ZCCHC3: variants seen among roughly 807,000 people sequenced by gnomAD.
The protein encoded by ZCCHC3 is zinc finger CCHC domain-containing protein 3.
ZCCHC3 carries 20 observed loss-of-function variants against 18.4 expected under a neutral mutation model. The ratio of observed to expected loss-of-function variants is 1.09; its 90% CI spans 0.76 to 1.58. The LOEUF (loss-of-function observed/expected upper bound fraction) is 1.58. ZCCHC3 is among the 40% of genes most tolerant of loss of function. ZCCHC3 has a pLI of 0.00. For missense variants in ZCCHC3, 548 were observed against 511.2 expected (o/e 1.07, Z -0.69); for synonymous variants, 310 against 232.7 (o/e 1.33, Z -3.02).
At position 298,652 on chromosome 20, in the gene ZCCHC3, T is replaced by G. The variant is rs1600197490; in HGVS notation, c.1066T>G (p.Cys356Gly). ...GSCTQDRCFR[C>G]GEEGHLSPYC... Reference sequence around the variant, plus strand: ...CTGCACGCAGGACAGGTGCTTCAGGTGCGGGGAGGAGGGGCACCTGAGCCC... The same window carrying G: ...CTGCACGCAGGACAGGTGCTTCAGGGGCGGGGAGGAGGGGCACCTGAGCCC... The change falls in exon 1 of 1, where the codon TGC (cysteine) becomes GGC (glycine). Residue 356 changes from cysteine to glycine, a missense_variant. Coordinates refer to ENST00000500893, the MANE Select transcript of ZCCHC3 (RefSeq NM_033089.7). 1 of 1,364,990 alleles carries G rather than the reference T, an allele frequency of 7.3e-7. No individual in the cohort carries two copies. The highest frequency in any genetic ancestry group is 1.0e-6 in the Non-Finnish European group (1 of 953,098). 84.6% of individuals were successfully genotyped at this position (1,364,990 alleles called of 1,614,324 possible). A position where few individuals can be genotyped will look rare whatever the true frequency, so the allele number is the denominator to read the frequency against.
rs887073987 is a variant in ZCCHC3, at chr20:298,393, T to C, written c.807T>C (p.Ile269=). ...FRNETVDVED[I]VTWLKRHCDV... Reference sequence around the variant, plus strand: ...ACGAGACGGTGGACGTGGAGGACATTGTGACTTGGCTCAAGCGCCACTGCG... The same window carrying C: ...ACGAGACGGTGGACGTGGAGGACATCGTGACTTGGCTCAAGCGCCACTGCG... The change falls in exon 1 of 1, where the codon ATT becomes ATC. Residue 269 remains isoleucine, a synonymous_variant. Coordinates refer to ENST00000500893, the MANE Select transcript of ZCCHC3 (RefSeq NM_033089.7). 1.3e-6 allele frequency: 1 copy of C among 781,916 alleles called. No homozygotes were observed. The allele number at this position is 781,916 out of a possible 1,614,324, so 48.4% of individuals were successfully genotyped here.
chr20:298,858 CT>C lies in ZCCHC3; in HGVS notation c.*68del, dbSNP rs1201000522. The C allele has an allele frequency of 8.9e-6, 13 of 1,456,096 alleles. No homozygotes were observed. Among genetic ancestry groups the C allele is most frequent in the African/African-American group, 4.3e-5 (3 of 69,708 alleles). The allele number at this position is 1,456,096 out of a possible 1,614,324, so 90.2% of individuals were successfully genotyped here. ...AGCTTATCCCTCTTAAGTGCCAAAACTTTTTTTTAAACCATTTTTTATCGTT... is the reference window on the plus strand; with the variant it reads ...AGCTTATCCCTCTTAAGTGCCAAAACTTTTTTTAAACCATTTTTTATCGTT... On this transcript the variant is annotated 3_prime_UTR_variant, in exon 1 of 1. Transcript: ENST00000500893.
Position 297,964 on chromosome 20 carries a change from C to A in ZCCHC3, c.378C>A (p.Ala126=), listed in dbSNP as rs2012671377. ...GAAEAGRRKK[A]EAAAAAMATP... ...CGGAGGCGGGCAGGAGGAAGAAGGC[C>A]GAGGCGGCGGCGGCCGCCATGGCGA... Residue 126 remains alanine (A), a synonymous_variant, in exon 1 of 1, where the codon GCC becomes GCA. Coordinates refer to ENST00000500893, the MANE Select transcript of ZCCHC3 (RefSeq NM_033089.7). The A allele has an allele frequency of 1.5e-6, 2 of 1,303,802 alleles. No homozygotes were observed. The highest frequency in any genetic ancestry group is 6.4e-5 in the East Asian group (2 of 31,398). 80.8% of individuals were successfully genotyped at this position (1,303,802 alleles called of 1,614,324 possible).
Position 300,158 on chromosome 20 carries a change from G to A in ZCCHC3, c.*1360G>A, listed in dbSNP as rs1473262086. 1.8e-5 allele frequency: 3 copies of A among 167,062 alleles called. No individual in the cohort carries two copies. Among genetic ancestry groups the A allele is most frequent in the African/African-American group, 7.2e-5 (3 of 41,438 alleles). The allele number at this position is 167,062 out of a possible 1,614,324, so 10.3% of individuals were successfully genotyped here. On this transcript the variant is annotated 3_prime_UTR_variant, in exon 1 of 1. Coordinates refer to ENST00000500893, the MANE Select transcript of ZCCHC3 (RefSeq NM_033089.7). ...GGAGATAGGCCAAGCGAGAGGTCAT[G>A]GGCCAACTAAGTGTTATCCAGTAGA... is the stretch of plus-strand genomic sequence containing the variant.
In ZCCHC3 at chr20:298,500, AG is replaced by A. The variant is rs1172842663; in HGVS notation, c.919del (p.Glu307ArgfsTer38). On this transcript the variant is annotated frameshift_variant, in exon 1 of 1. Transcript: ENST00000500893. LOFTEE classifies it high-confidence loss of function. ...TACAAATGCGAGATCGAGCTGCGCC[AG>A]GGGGAGGGCGGGGTCAGGCACTTGC... The part of the protein sequence containing the change: ...GEYKCEIELR[Q>X]GEGGVRHLPG... 1 of 760,216 alleles carries A rather than the reference AG, an allele frequency of 1.3e-6. No homozygotes were observed. Among genetic ancestry groups the A allele is most frequent in the South Asian group, 1.4e-5 (1 of 71,530 alleles). The allele number at this position is 760,216 out of a possible 1,614,324, so 47.1% of individuals were successfully genotyped here. A position where few individuals can be genotyped will look rare whatever the true frequency, so the allele number is the denominator to read the frequency against.
In ZCCHC3 at chr20:298,093, C is replaced by T. The variant is rs1365478653; in HGVS notation, c.507C>T (p.Ile169=). 1.3e-6 allele frequency: 2 copies of T among 1,586,444 alleles called. No homozygotes were observed. Among genetic ancestry groups the T allele is most frequent in the Non-Finnish European group, 1.7e-6 (2 of 1,169,034 alleles). ...GCAAGGGTCGCTTCCTCGTCCGCAT[C>T]TGTTTCCAGGGAGACGAGGGCGCCT... is the stretch of plus-strand genomic sequence containing the variant. The part of the protein sequence containing the change: ...GPGKGRFLVR[I]CFQGDEGACP... Residue 169 remains isoleucine (I), a synonymous_variant, in exon 1 of 1, where the codon ATC becomes ATT. Coordinates refer to ENST00000500893, the MANE Select transcript of ZCCHC3 (RefSeq NM_033089.7).
In ZCCHC3 at chr20:298,623, G is replaced by C. The variant is rs769064636; in HGVS notation, c.1037G>C (p.Gly346Ala). The change falls in exon 1 of 1, where the codon GGC (glycine) becomes GCC (alanine). Residue 346 changes from glycine to alanine, a missense_variant. By Grantham distance (60) the Gly-to-Ala change is moderately conservative. Transcript: ENST00000500893. ...FKCGSRTHMS[G>A]SCTQDRCFRC... ...TGTGGTTCCCGGACCCACATGAGCG[G>C]CAGCTGCACGCAGGACAGGTGCTTC... 9.5e-7 allele frequency: 1 copy of C among 1,055,328 alleles called. No homozygotes were observed. 65.4% of individuals were successfully genotyped at this position (1,055,328 alleles called of 1,614,324 possible).
At position 298,221 on chromosome 20, in the gene ZCCHC3, T is replaced by C; in HGVS notation, c.635T>C (p.Phe212Ser). The change falls in exon 1 of 1, where the codon TTC becomes TCC. Residue 212 changes from phenylalanine to serine, a missense_variant. Coordinates refer to ENST00000500893, the MANE Select transcript of ZCCHC3 (RefSeq NM_033089.7). The part of the protein sequence containing the change: ...AVIQIPGSRE[F>S]DVSFRSAEKL... Reference sequence around the variant, plus strand: ...ATCCAGATCCCGGGCAGCCGCGAATTCGACGTGAGCTTCCGCTCAGCGGAG... The same window carrying C: ...ATCCAGATCCCGGGCAGCCGCGAATCCGACGTGAGCTTCCGCTCAGCGGAG... 9.1e-7 allele frequency: 1 copy of C among 1,096,078 alleles called. No individual in the cohort carries two copies. The highest frequency in any genetic ancestry group is 1.4e-6 in the Non-Finnish European group (1 of 706,180). The allele number at this position is 1,096,078 out of a possible 1,614,324, so 67.9% of individuals were successfully genotyped here. A position where few individuals can be genotyped will look rare whatever the true frequency, so the allele number is the denominator to read the frequency against.
Position 298,369 on chromosome 20 carries a change from C to T in ZCCHC3, c.783C>T (p.Asn261=). ...SLKTLFILFR[N]ETVDVEDIVT... The stretch of plus-strand genomic sequence containing the variant: ...AGACGCTCTTCATCCTCTTCCGGAA[C>T]GAGACGGTGGACGTGGAGGACATTG... The change falls in exon 1 of 1, where the codon AAC becomes AAT. Residue 261 remains asparagine (N), a synonymous_variant. Coordinates refer to ENST00000500893, the MANE Select transcript of ZCCHC3 (RefSeq NM_033089.7). 1.3e-6 allele frequency: 1 copy of T among 782,362 alleles called. No homozygotes were observed. Among genetic ancestry groups the T allele is most frequent in the South Asian group, 1.3e-5 (1 of 74,654 alleles). The allele number at this position is 782,362 out of a possible 1,614,324, so 48.5% of individuals were successfully genotyped here. A position where few individuals can be genotyped will look rare whatever the true frequency, so the allele number is the denominator to read the frequency against.
rs2223665 is a variant in ZCCHC3 at position 297,874 on chromosome 20, T to G, written c.288T>G (p.Asp96Glu). The change falls in exon 1 of 1, where the codon GAT becomes GAG. Residue 96 changes from aspartate to glutamate, a missense_variant. Coordinates refer to ENST00000500893, the MANE Select transcript of ZCCHC3 (RefSeq NM_033089.7). Reference sequence around the variant, plus strand: ...ACTTCCCACCGGCTGGCCGCGGGGATCCGAAGGGCCGTCGGAGAGATCCGG... The same window carrying G: ...ACTTCCCACCGGCTGGCCGCGGGGAGCCGAAGGGCCGTCGGAGAGATCCGG... Reference protein sequence around the residue: ...LGDFPPAGRGDPKGRRRDPAG... With the variant: ...LGDFPPAGRGEPKGRRRDPAG... The G allele has an allele frequency of 3.2e-6, 4 of 1,245,288 alleles. No individual in the cohort carries two copies. The East Asian group carries it at 1.3e-4, about 41-fold the overall frequency. The allele number at this position is 1,245,288 out of a possible 1,614,324, so 77.1% of individuals were successfully genotyped here.
rs1316064660 is a variant in ZCCHC3 at position 297,671 on chromosome 20, G to T, written c.85G>T (p.Glu29Ter). ...CCCCGCGCGGCCCGCGGCCCGGGGC[G>T]AGGAGGCCGACGGCGGCCGCGAGAA... is the stretch of plus-strand genomic sequence containing the variant. Reference protein sequence around the residue: ...LPPARPAARGEEADGGREKMG... With the variant: ...LPPARPAARG The change falls in exon 1 of 1, where the codon GAG (glutamate) becomes TAG (stop). Residue 29 changes from glutamate (E) to a stop codon, truncating the protein, a stop_gained. Transcript: ENST00000500893. LOFTEE classifies it high-confidence loss of function. The T allele has an allele frequency of 2.2e-6, 3 of 1,367,886 alleles. No homozygotes were observed. The highest frequency in any genetic ancestry group is 2.8e-6 in the Non-Finnish European group (3 of 1,058,646). 84.7% of individuals were successfully genotyped at this position (1,367,886 alleles called of 1,614,324 possible). A position where few individuals can be genotyped will look rare whatever the true frequency, so the allele number is the denominator to read the frequency against.
Position 297,840 on chromosome 20 carries a change from A to T in ZCCHC3, c.254A>T (p.Asp85Val), listed in dbSNP as rs1288646733. 3.2e-6 allele frequency: 4 copies of T among 1,249,626 alleles called. No homozygotes were observed. The highest frequency in any genetic ancestry group is 4.0e-6 in the Non-Finnish European group (4 of 997,290). The allele number at this position is 1,249,626 out of a possible 1,614,324, so 77.4% of individuals were successfully genotyped here. A position where few individuals can be genotyped will look rare whatever the true frequency, so the allele number is the denominator to read the frequency against. The change falls in exon 1 of 1, where the codon GAC becomes GTC. Residue 85 changes from aspartate to valine, a missense_variant. Asp to Val is a radical substitution (Grantham distance 152, BLOSUM62 -3). Coordinates refer to ENST00000500893, the MANE Select transcript of ZCCHC3 (RefSeq NM_033089.7). The stretch of plus-strand genomic sequence containing the variant: ...GGCCCCGCGGGCCTGGCGGCGCCGG[A>T]CCTCGGCGACTTCCCACCGGCTGGC... Reference protein sequence around the residue: ...LGGPAGLAAPDLGDFPPAGRG... With the variant: ...LGGPAGLAAPVLGDFPPAGRG...
In ZCCHC3 at chr20:297,658, C is replaced by A. The variant is rs1312110606; in HGVS notation, c.72C>A (p.Pro24=). ...GRPQLLPPAR[P]AARGEEADGG... ...CGCAGCTTCTGCCCCCCGCGCGGCC[C>A]GCGGCCCGGGGCGAGGAGGCCGACG... is the stretch of plus-strand genomic sequence containing the variant. The change falls in exon 1 of 1, where the codon CCC becomes CCA. Residue 24 remains proline (P), a synonymous_variant. Coordinates refer to ENST00000500893, the MANE Select transcript of ZCCHC3 (RefSeq NM_033089.7). 6 of 1,367,024 alleles carry A rather than the reference C, an allele frequency of 4.4e-6. No homozygotes were observed. The highest frequency in any genetic ancestry group is 5.7e-6 in the Non-Finnish European group (6 of 1,058,716). The allele number at this position is 1,367,024 out of a possible 1,614,324, so 84.7% of individuals were successfully genotyped here.
In ZCCHC3 at chr20:298,351, C is replaced by T. The variant is rs1337759187; in HGVS notation, c.765C>T (p.Leu255=). The T allele has an allele frequency of 1.0e-5, 8 of 782,784 alleles. No individual in the cohort carries two copies. The East Asian group carries it at 1.2e-4, about 12-fold the overall frequency. The allele number at this position is 782,784 out of a possible 1,614,324, so 48.5% of individuals were successfully genotyped here. A position where few individuals can be genotyped will look rare whatever the true frequency, so the allele number is the denominator to read the frequency against. Residue 255 remains leucine (L), a synonymous_variant, in exon 1 of 1, where the codon CTC becomes CTT. Coordinates refer to ENST00000500893, the MANE Select transcript of ZCCHC3 (RefSeq NM_033089.7). ...GGAGCAAGTCCAGCTTGAAGACGCT[C>T]TTCATCCTCTTCCGGAACGAGACGG... ...LGRSKSSLKT[L]FILFRNETVD...
Position 298,687 on chromosome 20 carries a change from G to A in ZCCHC3, c.1101G>A (p.Arg367=), listed in dbSNP as rs761857446. 5 of 1,590,120 alleles carry A rather than the reference G, an allele frequency of 3.1e-6. No individual in the cohort carries two copies. In the Admixed American group the frequency reaches 8.4e-5, roughly 27 times the overall value. The change falls in exon 1 of 1, where the codon CGG becomes CGA. Residue 367 remains arginine (R), a synonymous_variant. Coordinates refer to ENST00000500893, the MANE Select transcript of ZCCHC3 (RefSeq NM_033089.7). ...GEEGHLSPYC[R]KGIVCNLCGK... The stretch of plus-strand genomic sequence containing the variant: ...AGGGGCACCTGAGCCCTTACTGCCG[G>A]AAGGGCATCGTGTGCAACCTCTGTG...
chr20:298,344 A>G lies in ZCCHC3; in HGVS notation c.758A>G (p.Lys253Arg), dbSNP rs768342302. The G allele has an allele frequency of 1.3e-6, 1 of 783,442 alleles. No homozygotes were observed. The highest frequency in any genetic ancestry group is 2.4e-6 in the Non-Finnish European group (1 of 420,268). The allele number at this position is 783,442 out of a possible 1,614,324, so 48.5% of individuals were successfully genotyped here. ...VVLGRSKSSL[K>R]TLFILFRNET... The stretch of plus-strand genomic sequence containing the variant: ...CTGGGGCGGAGCAAGTCCAGCTTGA[A>G]GACGCTCTTCATCCTCTTCCGGAAC... The change falls in exon 1 of 1, where the codon AAG becomes AGG. Residue 253 changes from lysine to arginine, a missense_variant. Transcript: ENST00000500893.
Position 298,861 on chromosome 20 carries a change from T to C in ZCCHC3, c.*63T>C. Reference sequence around the variant, plus strand: ...TTATCCCTCTTAAGTGCCAAAACTTTTTTTTAAACCATTTTTTATCGTTTT... The same window carrying C: ...TTATCCCTCTTAAGTGCCAAAACTTCTTTTTAAACCATTTTTTATCGTTTT... On this transcript the variant is annotated 3_prime_UTR_variant, in exon 1 of 1. Coordinates refer to ENST00000500893, the MANE Select transcript of ZCCHC3 (RefSeq NM_033089.7). 6.8e-7 allele frequency: 1 copy of C among 1,462,838 alleles called. No individual in the cohort carries two copies. The highest frequency in any genetic ancestry group is 9.1e-7 in the Non-Finnish European group (1 of 1,104,528). The allele number at this position is 1,462,838 out of a possible 1,614,324, so 90.6% of individuals were successfully genotyped here. A position where few individuals can be genotyped will look rare whatever the true frequency, so the allele number is the denominator to read the frequency against.
At position 298,714 on chromosome 20, in the gene ZCCHC3, C is replaced by T. The variant is rs751138090; in HGVS notation, c.1128C>T (p.Gly376=). The T allele has an allele frequency of 1.2e-6, 2 of 1,607,136 alleles. No individual in the cohort carries two copies. Among genetic ancestry groups the T allele is most frequent in the East Asian group, 2.2e-5 (1 of 44,858 alleles). Residue 376 remains glycine (G), a synonymous_variant, in exon 1 of 1, where the codon GGC becomes GGT. Coordinates refer to ENST00000500893, the MANE Select transcript of ZCCHC3 (RefSeq NM_033089.7). ...AGGGCATCGTGTGCAACCTCTGTGG[C>T]AAGCGAGGACACGCCTTTGCCCAGT... is the stretch of plus-strand genomic sequence containing the variant. The part of the protein sequence containing the change: ...CRKGIVCNLC[G]KRGHAFAQCP...
Position 299,041 on chromosome 20 carries a change from A to C in ZCCHC3, c.*243A>C, listed in dbSNP as rs1162213577. ...CAGATGTGTTGCCCCTCCCTTTTAA[A>C]ATTTTATTTTCGTTTTTCTATTGGG... On this transcript the variant is annotated 3_prime_UTR_variant, in exon 1 of 1. Transcript: ENST00000500893. The C allele has an allele frequency of 5.0e-6, 2 of 398,324 alleles. No homozygotes were observed. The highest frequency in any genetic ancestry group is 9.1e-6 in the Non-Finnish European group (2 of 218,632). The allele number at this position is 398,324 out of a possible 1,614,324, so 24.7% of individuals were successfully genotyped here. A position where few individuals can be genotyped will look rare whatever the true frequency, so the allele number is the denominator to read the frequency against.
Sources: allele counts gnomAD v4.1 joint callset, GRCh38; gene constraint gnomAD v4.1.1; transcripts MANE v1.5; gene names NCBI Gene and HGNC (gene_info 2026-07-23, HGNC 2026-07-21).